Variants in SV2B observed in about 807,000 individuals in gnomAD.
SV2B encodes the protein synaptic vesicle glycoprotein 2B, also known as solute carrier family 22 member B2.
A neutral mutation model predicts 73.9 loss-of-function variants in SV2B; 41 were observed. The observed-to-expected ratio is 0.56, with a 90% confidence interval of 0.43 to 0.72. The LOEUF is 0.72. Ranked by LOEUF, SV2B falls within the 30% of genes least tolerant of loss-of-function variation. The pLI, the probability that SV2B is intolerant of heterozygous loss-of-function variation, is 0.00. For missense variants in SV2B, 764 were observed against 857.8 expected (o/e 0.89, Z 1.37); for synonymous variants, 314 against 314.2 (o/e 1.00, Z 0.01).
rs1447858457 is a variant in SV2B at position 91,141,452 on chromosome 15, T to C, written c.-392+41089T>C. On this transcript the variant is annotated intron_variant, in intron 1 of 12. Coordinates refer to ENST00000394232, the MANE Select transcript of SV2B (RefSeq NM_001323032.3). This position sits in a 1 kb window ranked among gnomAD's most constrained non-coding sequence, Gnocchi z 4.6. The stretch of plus-strand genomic sequence containing the variant: ...GGTGATAAGTGAGTTCATTGAGGTA[T>C]CCTGGTCAAGGGTGGAGAGAGGTTC... Among the ~76,000 whole-genome samples the C allele has an allele frequency of 6.6e-6, 1 of 152,192 alleles. No homozygotes were observed. The highest frequency in any genetic ancestry group is 1.5e-5 in the Non-Finnish European group (1 of 68,034).
chr15:91,291,379 A>G (rs1043769306), intron 12 of SV2B, among the ~76,000 whole-genome samples: 2 of 152,162 alleles, frequency 1.3e-5, no homozygotes, highest in Non-Finnish European at 2.9e-5. Context: ...ACAGTTATAG[A>G]CAAAAATGAA....
intron 6 of SV2B, among the ~76,000 whole-genome samples, chr15:91,262,647 G>T (rs764687602): frequency 1.3e-4 from 19 of 151,510 alleles, no homozygotes; most frequent in African/African-American, 1.7e-4. Context: ...AGTGTTGGTT[G>T]TTCCCTTCTT....
chr15:91,260,216 C>A, intron 5 of SV2B, 104 bp from the exon 6 acceptor site: 2 of 974,066 alleles, frequency 2.1e-6, no homozygotes, highest in Non-Finnish European at 3.1e-6. Context: ...GCTAGGAATG[C>A]TCGTATCAAC....
intron 1 of SV2B, among the ~76,000 whole-genome samples, chr15:91,142,182 C>T (rs886557710): frequency 5.3e-5 from 8 of 152,170 alleles, no homozygotes; most frequent in East Asian, 1.9e-4. Flanking sequence ...GTTCCTGTTG[C>T]GTGCCCACAG....
chr15:91,181,010 C>T (rs2044532725), intron 1 of SV2B, among the ~76,000 whole-genome samples: 2 of 152,136 alleles, frequency 1.3e-5, no homozygotes. Context: ...TGTTTTTTCC[C>T]CATCTTTGTG....
chr15:91,251,734 A>G lies in SV2B; in HGVS notation c.452-85A>G, dbSNP rs2047489449. 8 of 1,400,100 alleles carry G rather than the reference A, an allele frequency of 5.7e-6. No homozygotes were observed. The East Asian group carries it at 1.9e-4, about 33-fold the overall frequency. 86.7% of individuals were successfully genotyped at this position (1,400,100 alleles called of 1,614,324 possible). ...CACAGAAATTCTAGGATAAATAAAA[A>G]TGAACATTGTATTTTGTAAACATTG... On this transcript the variant is annotated intron_variant, in intron 2 of 12. Transcript: ENST00000394232.
chr15:91,269,287 C>T (rs1352133413), intron 9 of SV2B, among the ~76,000 whole-genome samples: 3 of 152,160 alleles, frequency 2.0e-5, no homozygotes, highest in Non-Finnish European at 4.4e-5. Flanking sequence ...CAAGATGGAT[C>T]AGGGCAGGAC....
Position 91,284,268 on chromosome 15 carries a change from G to A in SV2B, c.1708+47G>A. On this transcript the variant is annotated intron_variant, in intron 11 of 12. Coordinates refer to ENST00000394232, the MANE Select transcript of SV2B (RefSeq NM_001323032.3). This position sits in a 1 kb window ranked among gnomAD's most constrained non-coding sequence, Gnocchi z 4.5. Reference sequence around the variant, plus strand: ...TCCTGGGTTCCAACGCGCTGGGGTGGTGACTTTCAAGTGTATTAAACAGGG... The same window carrying A: ...TCCTGGGTTCCAACGCGCTGGGGTGATGACTTTCAAGTGTATTAAACAGGG... 1 of 1,599,800 alleles carries A rather than the reference G, an allele frequency of 6.3e-7. No individual in the cohort carries two copies.
Position 91,165,325 on chromosome 15 carries a change from C to T in SV2B, c.-391-60548C>T, listed in dbSNP as rs139253268. On this transcript the variant is annotated intron_variant, in intron 1 of 12. Transcript: ENST00000394232. ...TAGCCTGGGCGACAAGAGCGAGACT[C>T]TGTCTCAAAAAAAAATTATTTTTTT... Among the ~76,000 whole-genome samples the T allele has an allele frequency of 3.9e-5, 6 of 152,150 alleles. No individual in the cohort carries two copies. The East Asian group carries it at 1.2e-3, about 29-fold the overall frequency.
chr15:91,144,946 A>G (rs1175914900), intron 1 of SV2B, among the ~76,000 whole-genome samples: 2 of 151,502 alleles, frequency 1.3e-5, no homozygotes, highest in Non-Finnish European at 2.9e-5. Context: ...AGATGTAGCA[A>G]TTCACTTTGA....
chr15:91,259,381 A>C (rs2047824435), intron 5 of SV2B, among the ~76,000 whole-genome samples: 1 of 152,124 alleles, frequency 6.6e-6, no homozygotes, highest in Non-Finnish European at 1.5e-5. Context: ...TTCCAGCCCC[A>C]ATCTGCAGAG....
chr15:91,156,979 G>C (rs770504727), intron 1 of SV2B, among the ~76,000 whole-genome samples: 2 of 152,234 alleles, frequency 1.3e-5, no homozygotes, highest in Admixed American at 1.3e-4. Context: ...GTAGGCGCAA[G>C]CTCATTGCTT....
rs1415923259 is a variant in SV2B at position 91,301,586 on chromosome 15, A to G, written c.*9034A>G. On this transcript the variant is annotated 3_prime_UTR_variant, in exon 13 of 13. Transcript: ENST00000394232. The surrounding 1 kb of genome is among the most constrained non-coding windows in gnomAD (Gnocchi z 4.3). ...TTAAAGCCTATCCCCTTTAACCTTC[A>G]TAATAACCTAATGAGTAAGTGTTAT... Among the ~76,000 whole-genome samples the G allele has an allele frequency of 6.6e-6, 1 of 152,242 alleles. No individual in the cohort carries two copies. Among genetic ancestry groups the G allele is most frequent in the Non-Finnish European group, 1.5e-5 (1 of 68,038 alleles).
Position 91,226,480 on chromosome 15 carries a change from A to G in SV2B, c.217A>G (p.Ser73Gly). 1.9e-6 allele frequency: 3 copies of G among 1,614,208 alleles called. No individual in the cohort carries two copies. The highest frequency in any genetic ancestry group is 1.6e-4 in the Middle Eastern group (1 of 6,062). ...CAAGATGGCGCCCTCCAGAATGGAC[A>G]GCCTTCGGGGCCAGACAGACCTGAT... The part of the protein sequence containing the change: ...QAKMAPSRMD[S>G]LRGQTDLMAE... The change falls in exon 2 of 13, where the codon AGC becomes GGC. Residue 73 changes from serine to glycine, a missense_variant. Ser to Gly is a moderately conservative substitution (Grantham distance 56). Transcript: ENST00000394232.
Position 91,281,872 on chromosome 15 carries a change from A to T in SV2B, c.1507+11A>T, listed in dbSNP as rs372810245. On this transcript the variant is annotated intron_variant, in intron 10 of 12. Transcript: ENST00000394232. The surrounding 1 kb of genome is among the most constrained non-coding windows in gnomAD (Gnocchi z 4.7). ...TCTTTTACAACACAGGTAGGTAAGA[A>T]CATTGACAGATTGAATAGAAAGTAA... is the stretch of plus-strand genomic sequence containing the variant. The T allele has an allele frequency of 2.5e-6, 4 of 1,600,244 alleles. No individual in the cohort carries two copies. The African/African-American group carries it at 5.4e-5, about 21-fold the overall frequency.
At chr15:91,167,245 G>C (rs1433300021) in intron 1 of SV2B, among the ~76,000 whole-genome samples, 1 of 151,954 alleles carries the variant, frequency 6.6e-6, no homozygotes, top group Admixed American at 6.6e-5. Context: ...GGTCATTTTG[G>C]CATTGGTATC....
chr15:91,100,864 G>A lies in SV2B; in HGVS notation c.-392+501G>A, dbSNP rs912941901. On this transcript the variant is annotated intron_variant, in intron 1 of 12. Transcript: ENST00000394232. This position sits in a 1 kb window ranked among gnomAD's most constrained non-coding sequence, Gnocchi z 6.4. The stretch of plus-strand genomic sequence containing the variant: ...CAGGGCGCCCTCCGTGGGCGTGGGA[G>A]CCGTTTCTTAGGGACACAGAAGGAT... Among the ~76,000 whole-genome samples, 1 of 152,204 alleles carries A rather than the reference G, an allele frequency of 6.6e-6. No homozygotes were observed. Among genetic ancestry groups the A allele is most frequent in the Non-Finnish European group, 1.5e-5 (1 of 68,042 alleles).
chr15:91,106,841 C>G lies in SV2B; in HGVS notation c.-392+6478C>G, dbSNP rs555143103. 1.8e-4 allele frequency among the ~76,000 whole-genome samples: 27 copies of G among 152,286 alleles called. No individual in the cohort carries two copies. The East Asian group carries it at 3.9e-3, about 22-fold the overall frequency. On this transcript the variant is annotated intron_variant, in intron 1 of 12. Transcript: ENST00000394232. The surrounding 1 kb of genome is among the most constrained non-coding windows in gnomAD (Gnocchi z 4.4). ...ATTTATGCCGAGTGTCACCAGCTTGCTTGAGAAACCCCACATCTACAGTAG... is the reference window on the plus strand; with the variant it reads ...ATTTATGCCGAGTGTCACCAGCTTGGTTGAGAAACCCCACATCTACAGTAG...
chr15:91,227,312 AG>A lies in SV2B; in HGVS notation c.451+600del, dbSNP rs1487596349. On this transcript the variant is annotated intron_variant, in intron 2 of 12. Transcript: ENST00000394232. The surrounding 1 kb of genome is among the most constrained non-coding windows in gnomAD (Gnocchi z 4.5). ...AGCACAGATGGATTCTGCAGGATAG[AG>A]GACCAGCTTTGCAAATCAATTAAGA... is the stretch of plus-strand genomic sequence containing the variant. Among the ~76,000 whole-genome samples, 10 of 152,342 alleles carry A rather than the reference AG, an allele frequency of 6.6e-5. No individual in the cohort carries two copies. The South Asian group carries it at 1.9e-3, about 28-fold the overall frequency.
Sources: gnomAD v4.1 joint callset for allele counts (sites outside exome capture counted in the v4.1 genomes callset) on GRCh38, gnomAD v4.1.1 for gene constraint, Gnocchi (gnomAD v3.1) non-coding constraint, MANE v1.5 for transcripts, NCBI Gene and HGNC (gene_info 2026-07-23, HGNC 2026-07-21) for gene names.